GPC5: variants seen among roughly 807,000 people sequenced by gnomAD.
GPC5 encodes the protein glypican-5.
GPC5 carries 47 observed loss-of-function variants against 53.9 expected under a neutral mutation model. The observed-to-expected ratio is 0.87, with a 90% CI of 0.69 to 1.11. The LOEUF is 1.11. Ranked by LOEUF, GPC5 falls within the 50% of genes most tolerant of loss-of-function variation. The pLI is 0.00. For missense variants in GPC5, 748 were observed against 713.1 expected (o/e 1.05, Z -0.56); for synonymous variants, 286 against 263.3 (o/e 1.09, Z -0.84).
At chr13:91,467,904 A>G (rs1362487943) in intron 2 of GPC5, among the ~76,000 whole-genome samples, 1 of 152,042 alleles carries the variant, frequency 6.6e-6, no homozygotes, top group Non-Finnish European at 1.5e-5. Context: ...TTATTCTTTG[A>G]GATTATCTAG....
chr13:92,852,736 C>G (rs919760273), intron 7 of GPC5, among the ~76,000 whole-genome samples: 2 of 152,012 alleles, frequency 1.3e-5, no homozygotes, highest in Admixed American at 1.3e-4. Flanking sequence ...GTGCCTGGTC[C>G]CCAGACGGAA....
intron 5 of GPC5, among the ~76,000 whole-genome samples, chr13:91,798,283 C>T (rs2038078443): frequency 6.6e-6 from 1 of 152,184 alleles, no homozygotes; most frequent in Admixed American, 6.5e-5. Context: ...ACCAACCCAT[C>T]ACCTAGGTAT....
chr13:92,671,695 T>C, intron 7 of GPC5, among the ~76,000 whole-genome samples: 1 of 152,148 alleles, frequency 6.6e-6, no homozygotes, highest in East Asian at 1.9e-4. Flanking sequence ...CTAATTTGTG[T>C]GGGAAAAATA....
intron 6 of GPC5, among the ~76,000 whole-genome samples, chr13:92,121,659 T>C (rs2041650374): frequency 6.6e-6 from 1 of 152,184 alleles, no homozygotes; most frequent in Admixed American, 6.5e-5. Flanking sequence ...ATTGGCATTG[T>C]GTGTACTCAG....
chr13:92,849,226 CTCT>C (rs1230301145), intron 7 of GPC5, among the ~76,000 whole-genome samples: 1 of 152,014 alleles, frequency 6.6e-6, no homozygotes, highest in East Asian at 2.0e-4. Context: ...GATAATGTTG[CTCT>C]TCTTCTTAGA....
chr13:91,734,437 T>C (rs342714), intron 4 of GPC5, among the ~76,000 whole-genome samples: 111,751 of 150,824 alleles, frequency 0.74, 41,995 homozygotes, highest in Middle Eastern at 0.82. Context: ...GTGAGACAGA[T>C]TGAGCCTAAA....
At chr13:91,647,466 C>G (rs57792448) in intron 2 of GPC5, among the ~76,000 whole-genome samples, 9,924 of 152,266 alleles carry the variant, frequency 0.065, 1,092 homozygotes, top group African/African-American at 0.23. Context: ...CCAACTCCAG[C>G]AAGCTGACCT....
At chr13:92,387,151 G>A (rs989825791) in intron 7 of GPC5, among the ~76,000 whole-genome samples, 4 of 152,020 alleles carry the variant, frequency 2.6e-5, no homozygotes, top group Admixed American at 6.6e-5. Context: ...GAAAGCAAAT[G>A]CATTCAGTAG....
At chr13:92,559,763 C>T (rs1346219547) in intron 7 of GPC5, among the ~76,000 whole-genome samples, 2 of 151,420 alleles carry the variant, frequency 1.3e-5, no homozygotes, top group Non-Finnish European at 2.9e-5. Flanking sequence ...TTCTGATGAC[C>T]GTGGTGTTTT....
chr13:92,866,554 G>A lies in GPC5; in HGVS notation c.*115G>A. 2 of 896,896 alleles carry A rather than the reference G, an allele frequency of 2.2e-6. No individual in the cohort carries two copies. Among genetic ancestry groups the A allele is most frequent in the Non-Finnish European group, 3.2e-6 (2 of 631,204 alleles). The allele number at this position is 896,896 out of a possible 1,614,324, so 55.6% of individuals were successfully genotyped here. Reference sequence around the variant, plus strand: ...AACAATTATATTTATGAAAAGATATGTTACACTAACTTCTCAGAAGCCAAG... The same window carrying A: ...AACAATTATATTTATGAAAAGATATATTACACTAACTTCTCAGAAGCCAAG... On this transcript the variant is annotated 3_prime_UTR_variant, in exon 8 of 8. Coordinates refer to ENST00000377067, the MANE Select transcript of GPC5 (RefSeq NM_004466.6).
intron 7 of GPC5, among the ~76,000 whole-genome samples, chr13:92,694,874 C>T (rs1186910694): frequency 6.6e-6 from 1 of 152,170 alleles, no homozygotes; most frequent in African/African-American, 2.4e-5. Flanking sequence ...ATTCCATCTC[C>T]TACTGTAATC....
At chr13:92,752,919 G>C (rs1348166210) in intron 7 of GPC5, among the ~76,000 whole-genome samples, 1 of 152,190 alleles carries the variant, frequency 6.6e-6, no homozygotes, top group Non-Finnish European at 1.5e-5. Flanking sequence ...GGGGAGGGGC[G>C]CATACCATTG....
chr13:92,167,929 A>G (rs1047582548), intron 7 of GPC5, among the ~76,000 whole-genome samples: 1 of 152,132 alleles, frequency 6.6e-6, no homozygotes, highest in African/African-American at 2.4e-5. Context: ...AGTAGAAGTG[A>G]CACATCGTTA....
intron 7 of GPC5, among the ~76,000 whole-genome samples, chr13:92,300,495 A>G (rs543068001): frequency 4.6e-5 from 7 of 152,206 alleles, no homozygotes; most frequent in East Asian, 1.9e-4. Context: ...TTCAGGCACT[A>G]TGCTAACCTA....
At chr13:91,960,002 G>T (rs116099550) in intron 6 of GPC5, among the ~76,000 whole-genome samples, 1 of 151,810 alleles carries the variant, frequency 6.6e-6, no homozygotes, top group South Asian at 2.1e-4. Context: ...AGGAAAAGCC[G>T]AAAGCCTTTC....
At chr13:91,481,126 G>C (rs1196169530) in intron 2 of GPC5, among the ~76,000 whole-genome samples, 1 of 152,082 alleles carries the variant, frequency 6.6e-6, no homozygotes, top group Non-Finnish European at 1.5e-5. Flanking sequence ...GCCATGTGAA[G>C]AACATCCTTA....
chr13:92,083,853 C>A (rs1050747736), intron 6 of GPC5, among the ~76,000 whole-genome samples: 6 of 152,100 alleles, frequency 3.9e-5, no homozygotes, highest in Non-Finnish European at 7.4e-5. Context: ...TTCACAATAG[C>A]AAAGACATGG....
intron 6 of GPC5, among the ~76,000 whole-genome samples, chr13:92,023,704 T>TCC (rs2040778262): frequency 4.3e-5 from 3 of 70,276 alleles, no homozygotes; most frequent in African/African-American, 1.1e-4. Flanking sequence ...ACTCTCTCTC[T>TCC]CTCTTATAAA....
At position 92,448,329 on chromosome 13, in the gene GPC5, T is replaced by TA. The variant is rs1449262207; in HGVS notation, c.1561+303344dup. On this transcript the variant is annotated intron_variant, in intron 7 of 7. Transcript: ENST00000377067. ...TTTTTGTAGAAGGATACGGGAAAGTTAAAATATAGCAAATGAATGACTCAT... is the reference window on the plus strand; with the variant it reads ...TTTTTGTAGAAGGATACGGGAAAGTTAAAAATATAGCAAATGAATGACTCAT... 2.6e-5 allele frequency: 4 copies of TA among 152,158 alleles called. No individual in the cohort carries two copies. In the East Asian group the frequency reaches 7.7e-4, roughly 29 times the overall value. The allele number at this position is 152,158 out of a possible 1,614,324, so 9.4% of individuals were successfully genotyped here.
Sources: gnomAD v4.1 joint callset for allele counts (sites outside exome capture counted in the v4.1 genomes callset) on GRCh38, gnomAD v4.1.1 for gene constraint, MANE v1.5 for transcripts, NCBI Gene and HGNC (gene_info 2026-07-23, HGNC 2026-07-21) for gene names.